Variants in NIN observed in about 807,000 individuals in gnomAD.
NIN encodes ninein.
A neutral mutation model predicts 257.6 loss-of-function variants in NIN; 137 were observed. The observed-to-expected ratio is 0.53, with a 90% CI of 0.46 to 0.61. The LOEUF is 0.61. NIN is among the 20% of genes least tolerant of loss of function. The pLI is 0.00. For synonymous variants in NIN, 918 were observed against 919.8 expected (o/e 1.00, Z 0.04); for missense variants, 2,439 against 2,501.2 (o/e 0.98, Z 0.53).
intron 10 of NIN, 21 bp downstream of exon 10, chr14:50,771,311 C>T (rs764585477): frequency 1.1e-5 from 18 of 1,611,540 alleles, no homozygotes; most frequent in East Asian, 6.7e-5. Context: ...ATGGGGCAGG[C>T]GAACCTTCTG....
At chr14:50,760,431 C>T (rs1209518144) in intron 16 of NIN, 72 bp from the exon 17 acceptor site, 10 of 822,840 alleles carry the variant, frequency 1.2e-5, no homozygotes, top group Non-Finnish European at 1.5e-5. Flanking sequence ...GATGGAGCAG[C>T]AATTGCTTTT....
intron 5 of NIN, among the ~76,000 whole-genome samples, chr14:50,785,067 A>T (rs1237300262): frequency 1.3e-5 from 2 of 152,254 alleles, no homozygotes; most frequent in African/African-American, 4.8e-5. Flanking sequence ...TGGGCCGTGC[A>T]TCTCAATGTC....
Position 50,757,183 on chromosome 14 carries a change from G to A in NIN, c.3847C>T (p.Leu1283Phe). Reference protein sequence around the residue: ...YDEALENNKELTAEVFRLQDE... With the variant: ...YDEALENNKEFTAEVFRLQDE... Reference sequence around the variant, plus strand: ...TGCAACCTGAAAACCTCTGCAGTGAGTTCTTTGTTATTTTCTAGTGCCTCA... The same window carrying A: ...TGCAACCTGAAAACCTCTGCAGTGAATTCTTTGTTATTTTCTAGTGCCTCA... The change falls in exon 18 of 31, where the codon CTC becomes TTC. Residue 1283 changes from leucine (L) to phenylalanine (F), a missense_variant. By Grantham distance (22) the Leu-to-Phe change is conservative. Coordinates refer to ENST00000530997, the MANE Select transcript of NIN (RefSeq NM_020921.4). 6.2e-7 allele frequency: 1 copy of A among 1,613,522 alleles called. No homozygotes were observed. Among genetic ancestry groups the A allele is most frequent in the Middle Eastern group, 1.7e-4 (1 of 6,056 alleles).
At chr14:50,772,191 A>C in intron 9 of NIN, 110 bp downstream of exon 9, 1 of 1,010,860 alleles carries the variant, frequency 9.9e-7, no homozygotes, top group Non-Finnish European at 1.4e-6. Flanking sequence ...CTTTGTGAAC[A>C]GAAGTACCAT....
At position 50,770,490 on chromosome 14, in the gene NIN, G is replaced by A. The variant is rs976574390; in HGVS notation, c.1332C>T (p.Ile444=). The stretch of plus-strand genomic sequence containing the variant: ...AACGCTGCTTGCCTGCCTGCTGCAG[G>A]ATCTGCTCTCTCTCTTTTCGGAGTT... ...KNELRKEREQ[I]LQQAGKQRLE... The change falls in exon 12 of 31, where the codon ATC becomes ATT. Residue 444 remains isoleucine (I), a synonymous_variant. Transcript: ENST00000530997. 5.0e-6 allele frequency: 8 copies of A among 1,614,070 alleles called. No individual in the cohort carries two copies. Among genetic ancestry groups the A allele is most frequent in the South Asian group, 1.1e-5 (1 of 91,084 alleles).
In NIN at chr14:50,792,386, A is replaced by G. The variant is rs114923534; in HGVS notation, c.435+326T>C. The G allele has an allele frequency of 1.5e-3, 347 of 228,758 alleles. 2 individuals are homozygous for G. Among genetic ancestry groups the G allele is most frequent in the African/African-American group, 6.8e-3 (301 of 44,232 alleles). 14.2% of individuals were successfully genotyped at this position (228,758 alleles called of 1,614,324 possible). On this transcript the variant is annotated intron_variant, in intron 5 of 30. Coordinates refer to ENST00000530997, the MANE Select transcript of NIN (RefSeq NM_020921.4). ...GAGCTGGTTCGCCTTTTAAATAACT[A>G]AAAATGATCATGCTATAGAGGAGAG...
Position 50,723,209 on chromosome 14 carries a change from A to G in NIN, c.*254T>C, listed in dbSNP as rs2040303695. Reference sequence around the variant, plus strand: ...ATTTTTTAGGTTCTTGAATTTTCATATGTCCACATTCTTGGTGGCTATTAA... The same window carrying G: ...ATTTTTTAGGTTCTTGAATTTTCATGTGTCCACATTCTTGGTGGCTATTAA... On this transcript the variant is annotated 3_prime_UTR_variant, in exon 31 of 31. Transcript: ENST00000530997. 2 of 344,654 alleles carry G rather than the reference A, an allele frequency of 5.8e-6. No individual in the cohort carries two copies. Among genetic ancestry groups the G allele is most frequent in the African/African-American group, 4.2e-5 (2 of 47,422 alleles). 21.3% of individuals were successfully genotyped at this position (344,654 alleles called of 1,614,324 possible).
In NIN at chr14:50,738,125, T is replaced by G. The variant is rs2041090264; in HGVS notation, c.5775+15A>C. 6.2e-7 allele frequency: 1 copy of G among 1,613,498 alleles called. No homozygotes were observed. The highest frequency in any genetic ancestry group is 1.6e-4 in the Middle Eastern group (1 of 6,082). On this transcript the variant is annotated intron_variant, in intron 27 of 30. Coordinates refer to ENST00000530997, the MANE Select transcript of NIN (RefSeq NM_020921.4). ...TGAGAACACAGATGTACGCCATATATTCTCAAAAACTCACCTTCCTGTTAG... is the reference window on the plus strand; with the variant it reads ...TGAGAACACAGATGTACGCCATATAGTCTCAAAAACTCACCTTCCTGTTAG...
intron 9 of NIN, chr14:50,771,839 G>T (rs149495847): frequency 3.8e-4 from 73 of 191,040 alleles, no homozygotes; most frequent in African/African-American, 1.7e-3. Flanking sequence ...TACAAAAATA[G>T]CCGGGCATGG....
At chr14:50,749,514 C>G (rs186438412) in intron 21 of NIN, among the ~76,000 whole-genome samples, 1 of 152,256 alleles carries the variant, frequency 6.6e-6, no homozygotes, top group Admixed American at 6.5e-5. Context: ...TCTCCTCAAA[C>G]TTCTGCTTAT....
intron 20 of NIN, 64 bp from the exon 21 acceptor site, chr14:50,752,797 A>G: frequency 1.3e-6 from 1 of 798,672 alleles, no homozygotes. Flanking sequence ...AAAAAAAAAA[A>G]CAGATTTAGA....
At chr14:50,811,388 T>C (rs1051205827) in intron 3 of NIN, among the ~76,000 whole-genome samples, 46 of 151,314 alleles carry the variant, frequency 3.0e-4, no homozygotes, top group African/African-American at 1.1e-3. Flanking sequence ...GGATTACAGG[T>C]GTGAGCCATC....
intron 3 of NIN, among the ~76,000 whole-genome samples, chr14:50,819,523 C>G (rs756854805): frequency 3.9e-5 from 6 of 152,208 alleles, no homozygotes; most frequent in Non-Finnish European, 7.3e-5. Context: ...CTCATCTTCT[C>G]ATTCTCTCTC....
chr14:50,812,727 G>C (rs1255607896), intron 3 of NIN, among the ~76,000 whole-genome samples: 2 of 151,882 alleles, frequency 1.3e-5, no homozygotes, highest in Non-Finnish European at 2.9e-5. Flanking sequence ...AATCTTCACA[G>C]ACAGAGATTA....
chr14:50,831,166 C>T (rs2045689794), upstream of NIN: 1 of 150,670 alleles, frequency 6.6e-6, no homozygotes, highest in Non-Finnish European at 1.5e-5. Flanking sequence ...AAGGGCCGGG[C>T]CCGCGCGGGG....
intron 2 of NIN, among the ~76,000 whole-genome samples, chr14:50,825,864 C>T (rs1280455327): frequency 6.6e-6 from 1 of 152,218 alleles, no homozygotes; most frequent in Non-Finnish European, 1.5e-5. Flanking sequence ...TTCCTTCCTA[C>T]CTCCCTTGAT....
At chr14:50,770,133 A>C (rs1453061736) in intron 12 of NIN, among the ~76,000 whole-genome samples, 1 of 152,132 alleles carries the variant, frequency 6.6e-6, no homozygotes, top group East Asian at 1.9e-4. Context: ...ACAGCCCTGA[A>C]GACCTAGTGA....
chr14:50,732,375 G>C (rs955550061), intron 28 of NIN, among the ~76,000 whole-genome samples: 5 of 152,186 alleles, frequency 3.3e-5, no homozygotes, highest in African/African-American at 1.2e-4. Context: ...CCTCAGGTGA[G>C]CTGGGACACA....
Position 50,778,788 on chromosome 14 carries a change from C to T in NIN, c.452G>A (p.Arg151His), listed in dbSNP as rs190295991. 4.4e-5 allele frequency: 71 copies of T among 1,614,098 alleles called. No homozygotes were observed. The East Asian group carries it at 4.7e-4, about 11-fold the overall frequency. The stretch of plus-strand genomic sequence containing the variant: ...ACCTTCCGCTTCATACTCCTCACTG[C>T]GTTGCGTCTTCCAGTGCTAGAGAAG... ...GDCSEHWKTQRSEEYEAEGQL... is the reference protein window; with the variant it reads ...GDCSEHWKTQHSEEYEAEGQL... Residue 151 changes from arginine to histidine, a missense_variant, in exon 6 of 31, where the codon CGC (arginine) becomes CAC (histidine). Physicochemically the swap from Arg to His is conservative, Grantham distance 29. Transcript: ENST00000530997.
Sources: allele counts gnomAD v4.1 joint callset (sites outside exome capture counted in the v4.1 genomes callset), GRCh38; gene constraint gnomAD v4.1.1; transcripts MANE v1.5; gene names NCBI Gene and HGNC (gene_info 2026-07-23, HGNC 2026-07-21).